GADL1: variants seen among roughly 807,000 people sequenced by gnomAD.
GADL1 encodes the protein GAD like acidic amino acid decarboxylase 1.
GADL1 carries 71 observed loss-of-function variants against 69.5 expected under a neutral mutation model. The ratio of observed to expected loss-of-function variants is 1.02; its 90% CI spans 0.84 to 1.25. The LOEUF (loss-of-function observed/expected upper bound fraction) is 1.25. GADL1 is among the 50% of genes most tolerant of loss of function. GADL1 has a pLI of 0.00. For missense variants in GADL1, 737 were observed against 631.8 expected, an observed-to-expected ratio of 1.17 and a Z score of -1.79; for synonymous variants, 254 against 214.4, an observed-to-expected ratio of 1.18 and a Z score of -1.62.
chr3:30,743,070 A>G (rs556381129), intron 14 of GADL1, among the ~76,000 whole-genome samples: 30 of 152,202 alleles, frequency 2.0e-4, no homozygotes, highest in African/African-American at 5.5e-4. Context: ...AATGCTACAT[A>G]AATTTTTTTC....
intron 1 of GADL1, among the ~76,000 whole-genome samples, chr3:30,875,654 A>G (rs1474747028): frequency 2.6e-5 from 4 of 151,864 alleles, no homozygotes; most frequent in Non-Finnish European, 5.9e-5. Flanking sequence ...CGCTGGGCAC[A>G]TACTTCACAT....
At chr3:30,808,366 T>C (rs975455682) in intron 11 of GADL1, among the ~76,000 whole-genome samples, 1 of 151,706 alleles carries the variant, frequency 6.6e-6, no homozygotes, top group African/African-American at 2.4e-5. Flanking sequence ...GCATGGTGGT[T>C]GCATGCCTGT....
rs115513956 is a variant in GADL1 at position 30,815,368 on chromosome 3, C to T, written c.1051-14280G>A. 3.3e-5 allele frequency among the ~76,000 whole-genome samples: 5 copies of T among 152,248 alleles called. No individual in the cohort carries two copies. The South Asian group carries it at 6.2e-4, about 19-fold the overall frequency. ...GAGGAGGGCTATGTGATGACATTTA[C>T]GATTCTCTGGCACAATTCTAGGTCT... is the stretch of plus-strand genomic sequence containing the variant. On this transcript the variant is annotated intron_variant, in intron 11 of 14. Coordinates refer to ENST00000282538, the MANE Select transcript of GADL1 (RefSeq NM_207359.3).
chr3:30,774,021 A>C (rs1559495902), intron 14 of GADL1, among the ~76,000 whole-genome samples: 2 of 152,148 alleles, frequency 1.3e-5, no homozygotes. Context: ...TTACTCAGAC[A>C]TGGAGAGCTT....
At chr3:30,851,403 T>C (rs1698145164) in intron 4 of GADL1, among the ~76,000 whole-genome samples, 1 of 152,194 alleles carries the variant, frequency 6.6e-6, no homozygotes, top group Non-Finnish European at 1.5e-5. Context: ...CTACTCCACC[T>C]GAACCAGGGC....
chr3:30,881,336 C>CT (rs1698638489), intron 1 of GADL1, among the ~76,000 whole-genome samples: 1 of 151,878 alleles, frequency 6.6e-6, no homozygotes, highest in African/African-American at 2.4e-5. Context: ...GTAACAGATA[C>CT]TTAAACTCTT....
chr3:30,875,735 C>T (rs1414545501), intron 1 of GADL1, among the ~76,000 whole-genome samples: 1 of 151,880 alleles, frequency 6.6e-6, no homozygotes, highest in Non-Finnish European at 1.5e-5. Context: ...CTTGGCTCCA[C>T]ACTCTGGCAG....
rs78521991 is a variant in GADL1, at chr3:30,836,341, C to T, written c.904-2060G>A. Among the ~76,000 whole-genome samples, 6 of 151,328 alleles carry T rather than the reference C, an allele frequency of 4.0e-5. No homozygotes were observed. The East Asian group carries it at 1.2e-3, about 30-fold the overall frequency. ...GAACCCTTCCAAGGCATTAGTTCAC[C>T]ACTTCACAAAGTACTTTGGCAGGGT... On this transcript the variant is annotated intron_variant, in intron 9 of 14. Coordinates refer to ENST00000282538, the MANE Select transcript of GADL1 (RefSeq NM_207359.3).
intron 14 of GADL1, among the ~76,000 whole-genome samples, chr3:30,762,945 T>TTG (rs2125486538): frequency 6.6e-6 from 1 of 152,366 alleles, no homozygotes; most frequent in African/African-American, 2.4e-5. Flanking sequence ...TAGTATTCCA[T>TTG]TGTGTATATG....
At chr3:30,880,784 T>G (rs961123409) in intron 1 of GADL1, among the ~76,000 whole-genome samples, 1 of 151,896 alleles carries the variant, frequency 6.6e-6, no homozygotes, top group African/African-American at 2.4e-5. Flanking sequence ...CTCTAAAATT[T>G]TATGGAGGTG....
chr3:30,808,388 C>T (rs1697293534), intron 11 of GADL1, among the ~76,000 whole-genome samples: 1 of 151,692 alleles, frequency 6.6e-6, no homozygotes, highest in South Asian at 2.1e-4. Context: ...ATCCTAGCTA[C>T]TTGGGAGGCT....
intron 1 of GADL1, among the ~76,000 whole-genome samples, chr3:30,872,857 T>G (rs1412814136): frequency 6.6e-6 from 1 of 151,934 alleles, no homozygotes; most frequent in African/African-American, 2.4e-5. Context: ...TGTAGCCATT[T>G]CCAACTGATG....
intron 14 of GADL1, among the ~76,000 whole-genome samples, chr3:30,748,329 GA>G (rs1292440711): frequency 1.3e-5 from 2 of 152,014 alleles, no homozygotes; most frequent in African/African-American, 2.4e-5. Flanking sequence ...TTTAAGTTAT[GA>G]AAAAAACAAA....
At chr3:30,865,557 A>T (rs1698389552) in intron 1 of GADL1, among the ~76,000 whole-genome samples, 1 of 152,014 alleles carries the variant, frequency 6.6e-6, no homozygotes, top group African/African-American at 2.4e-5. Context: ...TAGCACAGCA[A>T]GGAGACTGGA....
At chr3:30,741,190 A>ATATGTGTGTGTGTGTGTGTGTGTGTGTG (rs747105488) in intron 14 of GADL1, among the ~76,000 whole-genome samples, 1 of 132,638 alleles carries the variant, frequency 7.5e-6, no homozygotes, top group African/African-American at 2.9e-5. Context: ...TTATATAATT[A>ATATGTGTGTGTGTGTGTGTGTGTGTGTG]TGTGTGTGTG....
chr3:30,826,644 C>T (rs1418922480), intron 11 of GADL1, among the ~76,000 whole-genome samples: 1 of 151,850 alleles, frequency 6.6e-6, no homozygotes, highest in Non-Finnish European at 1.5e-5. Context: ...ACATTATAAA[C>T]AGCCATTTCC....
chr3:30,843,359 G>A (rs1332795867), intron 8 of GADL1, among the ~76,000 whole-genome samples: 2 of 151,290 alleles, frequency 1.3e-5, no homozygotes, highest in Non-Finnish European at 2.9e-5. Flanking sequence ...GGATTCAAGC[G>A]ATTCTCCTGC....
At chr3:30,749,316 A>T (rs1695763207) in intron 14 of GADL1, among the ~76,000 whole-genome samples, 1 of 152,234 alleles carries the variant, frequency 6.6e-6, no homozygotes, top group South Asian at 2.1e-4. Flanking sequence ...ATCATAGGCC[A>T]CTAGGAACAC....
At chr3:30,873,010 C>A (rs555391836) in intron 1 of GADL1, among the ~76,000 whole-genome samples, 1 of 151,892 alleles carries the variant, frequency 6.6e-6, no homozygotes, top group South Asian at 2.1e-4. Context: ...TTCTAACTTT[C>A]TTCCCATGTA....
Sources: gnomAD v4.1 joint callset for allele counts (sites outside exome capture counted in the v4.1 genomes callset) on GRCh38, gnomAD v4.1.1 for gene constraint, MANE v1.5 for transcripts, NCBI Gene and HGNC (gene_info 2026-07-23, HGNC 2026-07-21) for gene names.